The following HLF variants were observed in gnomAD, a reference collection of about 807,000 sequenced individuals.
HLF encodes the protein HLF transcription factor, PAR bZIP family member, also known as hepatic leukemia factor.
HLF carries 3 observed loss-of-function variants against 22.6 expected under a neutral mutation model. That is an observed-to-expected ratio of 0.13 (90% CI 0.06 to 0.34). The LOEUF is 0.34. Ranked by LOEUF, HLF falls within the 10% of genes least tolerant of loss-of-function variation. The pLI, the probability that HLF is intolerant of heterozygous loss-of-function variation, is 1.00. For synonymous variants in HLF, 151 were observed against 151.8 expected, an observed-to-expected ratio of 0.99 and a Z score of 0.04; for missense variants, 299 against 389.2, an observed-to-expected ratio of 0.77 and a Z score of 1.95.
intron 2 of HLF, among the ~76,000 whole-genome samples, chr17:55,289,806 G>A (rs755443792): frequency 5.3e-4 from 80 of 152,168 alleles, no homozygotes; most frequent in Non-Finnish European, 9.6e-4. Flanking sequence ...CATTTAGTTC[G>A]TAAGGCCTGA....
intron 2 of HLF, among the ~76,000 whole-genome samples, chr17:55,297,862 G>C (rs1433514526): frequency 7.1e-6 from 1 of 141,276 alleles, no homozygotes; most frequent in South Asian, 2.2e-4. Context: ...CAGTTCTCCT[G>C]TCTCAACCTC....
chr17:55,288,209 G>T (rs374875644), intron 2 of HLF, among the ~76,000 whole-genome samples: 1 of 151,906 alleles, frequency 6.6e-6, no homozygotes, highest in Non-Finnish European at 1.5e-5. Flanking sequence ...GTGCAGTGGC[G>T]CAATCTCAGC....
At position 55,265,053 on chromosome 17, in the gene HLF, G is replaced by A. The variant is rs1369278424; in HGVS notation, c.-432G>A. 1 of 176,954 alleles carries A rather than the reference G, an allele frequency of 5.7e-6. No homozygotes were observed. The highest frequency in any genetic ancestry group is 9.4e-5 in the East Asian group (1 of 10,616). The allele number at this position is 176,954 out of a possible 1,614,324, so 11.0% of individuals were successfully genotyped here. On this transcript the variant is annotated 5_prime_UTR_variant, in exon 1 of 4. Transcript: ENST00000226067. ...GCTGGGGAGCAGCGGCCGCCGGCGC[G>A]GGGAGGGGGGTGGGGTGGGACGGCG...
chr17:55,270,083 C>T (rs1377697263), intron 2 of HLF, among the ~76,000 whole-genome samples: 2 of 152,154 alleles, frequency 1.3e-5, no homozygotes, highest in Non-Finnish European at 2.9e-5. Flanking sequence ...CAGTATTGAT[C>T]AGTGACTCTC....
chr17:55,300,205 C>T (rs759522555), intron 2 of HLF, among the ~76,000 whole-genome samples: 5 of 152,166 alleles, frequency 3.3e-5, no homozygotes, highest in Non-Finnish European at 7.3e-5. Flanking sequence ...CTTGAGGGAT[C>T]AACAGTGTAA....
chr17:55,308,167 A>G (rs1733175397), intron 2 of HLF, among the ~76,000 whole-genome samples: 1 of 152,224 alleles, frequency 6.6e-6, no homozygotes, highest in African/African-American at 2.4e-5. Context: ...CTGCATGTTT[A>G]GAATTATCAC....
chr17:55,302,367 C>T (rs544229909), intron 2 of HLF, among the ~76,000 whole-genome samples: 1 of 152,324 alleles, frequency 6.6e-6, no homozygotes, highest in Admixed American at 6.5e-5. Flanking sequence ...CTTAGAGACT[C>T]ATGCGGGAAA....
At chr17:55,302,921 G>A (rs965307590) in intron 2 of HLF, among the ~76,000 whole-genome samples, 1 of 152,172 alleles carries the variant, frequency 6.6e-6, no homozygotes, top group African/African-American at 2.4e-5. Flanking sequence ...TTGCTTAGTG[G>A]CTCAACATCT....
intron 2 of HLF, among the ~76,000 whole-genome samples, chr17:55,285,081 C>T (rs912601487): frequency 3.3e-5 from 5 of 152,194 alleles, no homozygotes; most frequent in African/African-American, 1.2e-4. Flanking sequence ...TTTGGGTTCC[C>T]TGTGATTGCC....
chr17:55,307,324 TTTATTA>T (rs534221778), intron 2 of HLF, among the ~76,000 whole-genome samples: 26 of 150,414 alleles, frequency 1.7e-4, no homozygotes, highest in Middle Eastern at 3.4e-3. Flanking sequence ...CAGCTAATTA[TTTATTA>T]TTATTATTAT....
chr17:55,314,003 A>AT (rs1450208921), intron 2 of HLF, among the ~76,000 whole-genome samples: 3 of 152,204 alleles, frequency 2.0e-5, no homozygotes, highest in African/African-American at 7.2e-5. Flanking sequence ...AACCTAAAGA[A>AT]TACTTCACAC....
intron 2 of HLF, among the ~76,000 whole-genome samples, chr17:55,299,540 T>C (rs560134955): frequency 3.1e-4 from 47 of 152,190 alleles, no homozygotes; most frequent in Middle Eastern, 6.8e-3. Context: ...CATACCAAGA[T>C]GCTCTTATGA....
At chr17:55,314,093 G>A (rs1904965538) in intron 2 of HLF, among the ~76,000 whole-genome samples, 1 of 152,156 alleles carries the variant, frequency 6.6e-6, no homozygotes, top group South Asian at 2.1e-4. Context: ...TTATTCATGG[G>A]GCGTGAGAGG....
At chr17:55,311,591 C>T (rs1260202614) in intron 2 of HLF, among the ~76,000 whole-genome samples, 1 of 152,192 alleles carries the variant, frequency 6.6e-6, no homozygotes, top group African/African-American at 2.4e-5. Context: ...GTGACACGTG[C>T]ACTCTTACAA....
intron 1 of HLF, 80 bp from the exon 2 acceptor site, chr17:55,267,671 G>A: frequency 1.0e-6 from 1 of 979,986 alleles, no homozygotes; most frequent in Non-Finnish European, 1.5e-6. Context: ...CTTATAACAG[G>A]CCAGGAAAAG....
chr17:55,323,227 A>C lies in HLF; in HGVS notation c.*2348A>C. 4.6e-6 allele frequency: 1 copy of C among 217,680 alleles called. No individual in the cohort carries two copies. Among genetic ancestry groups the C allele is most frequent in the Non-Finnish European group, 9.2e-6 (1 of 108,266 alleles). 13.5% of individuals were successfully genotyped at this position (217,680 alleles called of 1,614,324 possible). On this transcript the variant is annotated 3_prime_UTR_variant, in exon 4 of 4. Transcript: ENST00000226067. ...TAAAATCAAAAACTTTTGCAATCTTAAGCAGAGATAAATAAAAGATAGCAA... is the reference window on the plus strand; with the variant it reads ...TAAAATCAAAAACTTTTGCAATCTTCAGCAGAGATAAATAAAAGATAGCAA...
chr17:55,311,422 T>C (rs1904823161), intron 2 of HLF, among the ~76,000 whole-genome samples: 1 of 152,048 alleles, frequency 6.6e-6, no homozygotes, highest in South Asian at 2.1e-4. Context: ...GAGAATGGCT[T>C]GAATCCAGGG....
chr17:55,277,545 T>G (rs1434808117), intron 2 of HLF, among the ~76,000 whole-genome samples: 1 of 151,416 alleles, frequency 6.6e-6, no homozygotes, highest in East Asian at 1.9e-4. Flanking sequence ...TACATCATGC[T>G]TAGATATGGG....
intron 2 of HLF, among the ~76,000 whole-genome samples, chr17:55,307,680 C>A (rs999801012): frequency 2.6e-5 from 4 of 152,070 alleles, no homozygotes; most frequent in African/African-American, 9.7e-5. Flanking sequence ...GTAGCTCGTG[C>A]TGTCCCCTCC....
Sources: gnomAD v4.1 joint callset for allele counts (sites outside exome capture counted in the v4.1 genomes callset) on GRCh38, gnomAD v4.1.1 for gene constraint, MANE v1.5 for transcripts, NCBI Gene and HGNC (gene_info 2026-07-23, HGNC 2026-07-21) for gene names.